Variants in SERGEF observed in about 807,000 individuals in gnomAD.
The protein encoded by SERGEF is secretion-regulating guanine nucleotide exchange factor.
In SERGEF, 51 loss-of-function variants were observed where a neutral mutation model predicts 50.0. That is an observed-to-expected ratio of 1.02 (90% CI 0.81 to 1.29). The LOEUF (loss-of-function observed/expected upper bound fraction) is 1.29. Ranked by LOEUF, SERGEF falls within the 50% of genes most tolerant of loss-of-function variation. SERGEF has a pLI of 0.00. For missense variants in SERGEF, 521 were observed against 557.0 expected (o/e 0.94, Z 0.65); for synonymous variants, 205 against 212.4 (o/e 0.97, Z 0.30).
chr11:17,914,213 C>T (rs574773864), intron 9 of SERGEF, among the ~76,000 whole-genome samples: 22 of 152,284 alleles, frequency 1.4e-4, no homozygotes, highest in African/African-American at 2.4e-4. Flanking sequence ...CCAAATCTTA[C>T]GGATTTTCAA....
At chr11:17,972,435 T>C (rs1853267572) in intron 8 of SERGEF, among the ~76,000 whole-genome samples, 1 of 152,166 alleles carries the variant, frequency 6.6e-6, no homozygotes, top group African/African-American at 2.4e-5. Flanking sequence ...AAGACCTTCT[T>C]CTAAAAGGCC....
chr11:17,853,302 A>G (rs1388025225), intron 10 of SERGEF, among the ~76,000 whole-genome samples: 2 of 152,186 alleles, frequency 1.3e-5, no homozygotes, highest in Non-Finnish European at 2.9e-5. Flanking sequence ...TGCCCAACAC[A>G]CTGCTTGGCA....
intron 1 of SERGEF, chr11:18,012,732 G>A (rs1295274502): frequency 2.4e-6 from 3 of 1,257,820 alleles, no homozygotes; most frequent in East Asian, 6.6e-5. Flanking sequence ...CCCTGACCCC[G>A]CCAGCCGGCA....
chr11:17,802,248 C>T (rs1200298375), intron 10 of SERGEF, among the ~76,000 whole-genome samples: 1 of 152,096 alleles, frequency 6.6e-6, no homozygotes, highest in Admixed American at 6.6e-5. Context: ...ATGAGGCCAC[C>T]CAAAAATGAG....
In SERGEF at chr11:18,006,117, CT is replaced by C. The variant is rs571212187; in HGVS notation, c.352+473del. On this transcript the variant is annotated intron_variant, in intron 3 of 10. Coordinates refer to ENST00000265965, the MANE Select transcript of SERGEF (RefSeq NM_012139.4). ...TCTCCTTAGAAAAGGTAGTCCACAA[CT>C]TTCCTTGACAACCAGAGGGAAAATT... Among the ~76,000 whole-genome samples, 24 of 152,366 alleles carry C rather than the reference CT, an allele frequency of 1.6e-4. No homozygotes were observed. The East Asian group carries it at 4.6e-3, about 29-fold the overall frequency.
At chr11:17,826,182 C>T (rs1850189582) in intron 10 of SERGEF, among the ~76,000 whole-genome samples, 1 of 152,230 alleles carries the variant, frequency 6.6e-6, no homozygotes, top group African/African-American at 2.4e-5. Context: ...TTAATCTTCA[C>T]CATAAGGTAG....
intron 10 of SERGEF, among the ~76,000 whole-genome samples, chr11:17,841,343 A>G (rs2133862746): frequency 6.6e-6 from 1 of 152,230 alleles, no homozygotes; most frequent in Middle Eastern, 3.2e-3. Flanking sequence ...TAGCTTAGCG[A>G]ATGGCAGGGC....
At chr11:18,006,971 A>G (rs1854087079) in intron 2 of SERGEF, among the ~76,000 whole-genome samples, 1 of 152,202 alleles carries the variant, frequency 6.6e-6, no homozygotes, top group African/African-American at 2.4e-5. Context: ...GCAGTGGTCA[A>G]TCAATCACCA....
At chr11:17,874,708 C>T (rs1326947937) in intron 10 of SERGEF, among the ~76,000 whole-genome samples, 1 of 152,136 alleles carries the variant, frequency 6.6e-6, no homozygotes, top group Non-Finnish European at 1.5e-5. Context: ...GAATCCTGTC[C>T]TTGAACAAAT....
At chr11:17,976,460 T>A (rs1190570676) in intron 8 of SERGEF, among the ~76,000 whole-genome samples, 3 of 3,394 alleles carry the variant, frequency 8.8e-4, no homozygotes, top group African/African-American at 1.2e-3. Flanking sequence ...AATTTTCATT[T>A]TTTTTTTTTT....
intron 9 of SERGEF, among the ~76,000 whole-genome samples, chr11:17,922,577 C>T (rs140459537): frequency 5.2e-4 from 79 of 152,180 alleles, no homozygotes; most frequent in African/African-American, 1.8e-3. Flanking sequence ...CAGTTTTTGG[C>T]GTACTATGTG....
intron 8 of SERGEF, among the ~76,000 whole-genome samples, chr11:17,984,864 G>C (rs1853563682): frequency 6.6e-6 from 1 of 152,114 alleles, no homozygotes; most frequent in Non-Finnish European, 1.5e-5. Flanking sequence ...CCAGATGCTG[G>C]GGATATGGCC....
intron 10 of SERGEF, among the ~76,000 whole-genome samples, chr11:17,794,968 GC>G (rs1392489230): frequency 6.6e-6 from 1 of 152,216 alleles, no homozygotes; most frequent in Non-Finnish European, 1.5e-5. Flanking sequence ...CTGAGGCCCT[GC>G]CCCCTTCTGC....
At chr11:17,883,707 C>G (rs990635606) in intron 9 of SERGEF, among the ~76,000 whole-genome samples, 3 of 152,292 alleles carry the variant, frequency 2.0e-5, no homozygotes, top group Admixed American at 1.3e-4. Context: ...TTACATCTGG[C>G]AAGCCCAGTG....
rs1049427675 is a variant in SERGEF at position 17,863,736 on chromosome 11, C to T, written c.1048+14472G>A. 2.0e-5 allele frequency: 3 copies of T among 152,192 alleles called. No individual in the cohort carries two copies. The South Asian group carries it at 6.2e-4, about 32-fold the overall frequency. The allele number at this position is 152,192 out of a possible 1,614,324, so 9.4% of individuals were successfully genotyped here. A position where few individuals can be genotyped will look rare whatever the true frequency, so the allele number is the denominator to read the frequency against. On this transcript the variant is annotated intron_variant, in intron 10 of 10. Transcript: ENST00000265965. ...TGAATTCCATGAATGTTGTATTCCT[C>T]CACAGCATCCATAACACTACATGGC...
chr11:18,009,842 T>C (rs1854160697), intron 1 of SERGEF, among the ~76,000 whole-genome samples: 1 of 152,218 alleles, frequency 6.6e-6, no homozygotes. Flanking sequence ...ATATGTCATA[T>C]ATACTGATGC....
intron 8 of SERGEF, among the ~76,000 whole-genome samples, chr11:17,977,775 T>A (rs1056025811): frequency 6.6e-6 from 1 of 152,102 alleles, no homozygotes; most frequent in Non-Finnish European, 1.5e-5. Flanking sequence ...CTCCTTTACT[T>A]CTTCTGCCAT....
chr11:17,857,753 C>G (rs1018389783), intron 10 of SERGEF, among the ~76,000 whole-genome samples: 2 of 152,236 alleles, frequency 1.3e-5, no homozygotes, highest in African/African-American at 4.8e-5. Flanking sequence ...GCCTCACATT[C>G]TCAGGGCCAC....
At chr11:17,800,410 A>T (rs1849648368) in intron 10 of SERGEF, among the ~76,000 whole-genome samples, 1 of 152,204 alleles carries the variant, frequency 6.6e-6, no homozygotes, top group Non-Finnish European at 1.5e-5. Context: ...GGTCATACTG[A>T]ATAGTTTTGC....
Sources: gnomAD v4.1 joint callset for allele counts (sites outside exome capture counted in the v4.1 genomes callset) on GRCh38, gnomAD v4.1.1 for gene constraint, MANE v1.5 for transcripts, NCBI Gene and HGNC (gene_info 2026-07-23, HGNC 2026-07-21) for gene names.